Variants in NME7 observed in about 807,000 individuals in gnomAD.
The protein encoded by NME7 is NME/NM23 family member 7.
A neutral mutation model predicts 49.1 loss-of-function variants in NME7; 41 were observed. The observed-to-expected ratio is 0.83, with a 90% confidence interval of 0.65 to 1.08. The LOEUF is 1.08. Among genes scored for constraint, NME7 ranks in the 50% least tolerant of loss-of-function variants. NME7 has a pLI of 0.00. For synonymous variants in NME7, 139 were observed against 150.6 expected (o/e 0.92, Z 0.56); for missense variants, 423 against 463.4 (o/e 0.91, Z 0.80).
intron 7 of NME7, among the ~76,000 whole-genome samples, chr1:169,264,129 C>T (rs1485963220): frequency 7.5e-6 from 1 of 133,680 alleles, no homozygotes; most frequent in Admixed American, 7.3e-5. Context: ...AGACCATTAC[C>T]AGCCACTACA....
rs888218592 is a variant in NME7 at position 169,265,339 on chromosome 1, C to T, written c.754+21964G>A. On this transcript the variant is annotated intron_variant, in intron 7 of 11. Coordinates refer to ENST00000367811, the MANE Select transcript of NME7 (RefSeq NM_013330.5). ...CAAGGCCATGAAAATTGCTCAAAGC[C>T]ATACAATTGCATGGAAATTAAACAA... Among the ~76,000 whole-genome samples the T allele has an allele frequency of 3.7e-5, 5 of 133,468 alleles. 1 individual carries two copies. The highest frequency in any genetic ancestry group is 2.3e-4 in the South Asian group (1 of 4,330). The allele number at this position is 133,468 out of a possible 152,430, so 87.6% of individuals were successfully genotyped here.
At position 169,346,174 on chromosome 1, in the gene NME7, A is replaced by G. The variant is rs139687503; in HGVS notation, c.3+21534T>C. ...TTGCCCCCTACAGCTTCTCTCAAAAAAATACAGCCAGAGAGGATTCTGTAA... is the reference window on the plus strand; with the variant it reads ...TTGCCCCCTACAGCTTCTCTCAAAAGAATACAGCCAGAGAGGATTCTGTAA... On this transcript the variant is annotated intron_variant, in intron 1 of 11. Coordinates refer to ENST00000367811, the MANE Select transcript of NME7 (RefSeq NM_013330.5). Among the ~76,000 whole-genome samples, 269 of 152,284 alleles carry G rather than the reference A, an allele frequency of 1.8e-3. 1 individual carries two copies. Among genetic ancestry groups the G allele is most frequent in the African/African-American group, 6.0e-3 (250 of 41,562 alleles).
chr1:169,216,801 A>G (rs1229769537), intron 10 of NME7, among the ~76,000 whole-genome samples: 1 of 152,246 alleles, frequency 6.6e-6, no homozygotes, highest in African/African-American at 2.4e-5. Flanking sequence ...AATCCGCTAC[A>G]GAATTGATTG....
chr1:169,311,663 AT>A (rs1651396333), intron 3 of NME7, among the ~76,000 whole-genome samples: 1 of 152,168 alleles, frequency 6.6e-6, no homozygotes, highest in South Asian at 2.1e-4. Context: ...AAATATTTTA[AT>A]CCAGACTAAC....
intron 1 of NME7, among the ~76,000 whole-genome samples, chr1:169,328,811 C>T (rs1208874034): frequency 1.3e-5 from 2 of 152,116 alleles, no homozygotes; most frequent in African/African-American, 4.8e-5. Context: ...ATCTGTTGCA[C>T]ATTCATCATT....
At chr1:169,189,164 A>G (rs979037697) in intron 10 of NME7, among the ~76,000 whole-genome samples, 4 of 152,198 alleles carry the variant, frequency 2.6e-5, no homozygotes, top group African/African-American at 9.6e-5. Flanking sequence ...TTACTAAAAA[A>G]GGAAGTTTAA....
At chr1:169,301,709 A>G (rs1160370274) in intron 5 of NME7, among the ~76,000 whole-genome samples, 1 of 151,962 alleles carries the variant, frequency 6.6e-6, no homozygotes, top group Non-Finnish European at 1.5e-5. Flanking sequence ...AAAATGTGGT[A>G]TATATATATA....
intron 11 of NME7, among the ~76,000 whole-genome samples, chr1:169,137,980 C>T (rs1158519869): frequency 6.6e-6 from 1 of 152,212 alleles, no homozygotes; most frequent in Non-Finnish European, 1.5e-5. Context: ...ATATGCTTAT[C>T]TTCTCCGTAG....
At chr1:169,190,938 G>A (rs1200081) in intron 10 of NME7, among the ~76,000 whole-genome samples, 41,987 of 104,016 alleles carry the variant, frequency 0.4, 14,016 homozygotes, top group East Asian at 0.74. Flanking sequence ...TCAGCCTCCC[G>A]AGTAGCTGGG....
intron 11 of NME7, among the ~76,000 whole-genome samples, chr1:169,145,839 A>G (rs781415011): frequency 2.0e-5 from 3 of 152,258 alleles, no homozygotes; most frequent in Non-Finnish European, 4.4e-5. Context: ...TTGTGAGTGC[A>G]CAGTGCATAC....
chr1:169,328,481 A>G (rs781731361), intron 1 of NME7, among the ~76,000 whole-genome samples: 20 of 152,130 alleles, frequency 1.3e-4, no homozygotes, highest in Admixed American at 4.6e-4. Flanking sequence ...AAGAAGAGCA[A>G]CTCTGGATTT....
At chr1:169,164,109 CA>C (rs34543492) in intron 11 of NME7, among the ~76,000 whole-genome samples, 65,585 of 125,124 alleles carry the variant, frequency 0.52, 15,768 homozygotes, top group African/African-American at 0.65. Context: ...GACTCTGTCT[CA>C]AAAAAAAAAA....
intron 7 of NME7, among the ~76,000 whole-genome samples, chr1:169,250,080 G>C (rs1040051175): frequency 2.6e-5 from 4 of 152,054 alleles, no homozygotes; most frequent in Non-Finnish European, 5.9e-5. Context: ...GTAGGATTCA[G>C]TTGTGAATCC....
At position 169,132,652 on chromosome 1, in the gene NME7, A is replaced by T; in HGVS notation, c.*133T>A. On this transcript the variant is annotated 3_prime_UTR_variant, in exon 12 of 12. Transcript: ENST00000367811. ...TCTAACATATGTAATAATTGCCAGGAGTACAGTGCTCTTGTTGATCTTGTA... is the reference window on the plus strand; with the variant it reads ...TCTAACATATGTAATAATTGCCAGGTGTACAGTGCTCTTGTTGATCTTGTA... 1 of 746,664 alleles carries T rather than the reference A, an allele frequency of 1.3e-6. No homozygotes were observed. Among genetic ancestry groups the T allele is most frequent in the Non-Finnish European group, 2.2e-6 (1 of 456,086 alleles). The allele number at this position is 746,664 out of a possible 1,614,324, so 46.3% of individuals were successfully genotyped here.
intron 11 of NME7, among the ~76,000 whole-genome samples, chr1:169,136,583 T>C (rs1387600263): frequency 6.6e-6 from 1 of 152,200 alleles, no homozygotes. Flanking sequence ...CTAAACGTCT[T>C]ACATGGTCTA....
intron 7 of NME7, among the ~76,000 whole-genome samples, chr1:169,276,260 T>G (rs1649721560): frequency 7.5e-6 from 1 of 133,892 alleles, no homozygotes; most frequent in South Asian, 2.3e-4. Flanking sequence ...TCAGAAGGAA[T>G]GGTACCAGTT....
intron 10 of NME7, among the ~76,000 whole-genome samples, chr1:169,185,618 T>C (rs4656659): frequency 0.37 from 56,349 of 151,912 alleles, 11,023 homozygotes; most frequent in East Asian, 0.73. Context: ...AAGCATTTCT[T>C]AATCCATAGC....
chr1:169,200,649 C>T (rs985280382), intron 10 of NME7, among the ~76,000 whole-genome samples: 6 of 152,158 alleles, frequency 3.9e-5, no homozygotes, highest in African/African-American at 1.4e-4. Flanking sequence ...GGTCAGACAA[C>T]TTAGAACAGC....
rs1033928294 is a variant in NME7 at position 169,270,064 on chromosome 1, C to T, written c.754+17239G>A. Among the ~76,000 whole-genome samples the T allele has an allele frequency of 7.5e-5, 10 of 133,652 alleles. 3 individuals are homozygous for T. Among genetic ancestry groups the T allele is most frequent in the South Asian group, 2.3e-4 (1 of 4,388 alleles). 87.7% of individuals were successfully genotyped at this position (133,652 alleles called of 152,430 possible). On this transcript the variant is annotated intron_variant, in intron 7 of 11. Transcript: ENST00000367811. ...GGGATTACTGGCATGAGCCACCATGCCTGGCCAAAATTTTCCTTTATAAGA... is the reference window on the plus strand; with the variant it reads ...GGGATTACTGGCATGAGCCACCATGTCTGGCCAAAATTTTCCTTTATAAGA...
Sources: allele counts gnomAD v4.1 joint callset (sites outside exome capture counted in the v4.1 genomes callset), GRCh38; gene constraint gnomAD v4.1.1; transcripts MANE v1.5; gene names NCBI Gene and HGNC (gene_info 2026-07-23, HGNC 2026-07-21).